Variants in PARD3B observed in about 807,000 individuals in gnomAD.
PARD3B encodes partitioning defective 3 homolog B.
In PARD3B, 103 loss-of-function variants were observed where a neutral mutation model predicts 130.2. The ratio of observed to expected loss-of-function variants is 0.79; its 90% CI spans 0.67 to 0.93. The LOEUF (loss-of-function observed/expected upper bound fraction) is 0.93. PARD3B is among the 40% of genes least tolerant of loss of function. The probability of loss-of-function intolerance (pLI) is 0.00; values close to 1 mark genes in which losing one functional copy is unlikely to be tolerated. For missense variants in PARD3B, 1,609 were observed against 1,499.2 expected (o/e 1.07, Z -1.21); for synonymous variants, 583 against 553.2 (o/e 1.05, Z -0.76).
chr2:205,390,315 T>C (rs1232044067), intron 18 of PARD3B, among the ~76,000 whole-genome samples: 1 of 151,172 alleles, frequency 6.6e-6, no homozygotes, highest in Non-Finnish European at 1.5e-5. Context: ...AAAAAAAAGC[T>C]CTAGTTATAC....
At chr2:204,879,796 A>T (rs79747330) in intron 2 of PARD3B, among the ~76,000 whole-genome samples, 2,644 of 152,290 alleles carry the variant, frequency 0.017, 55 homozygotes, top group East Asian at 0.11. Flanking sequence ...GGCTAGCCAA[A>T]TTGTGTACTT....
intron 4 of PARD3B, among the ~76,000 whole-genome samples, chr2:205,099,695 CTT>C (rs1327963429): frequency 6.6e-6 from 1 of 152,116 alleles, no homozygotes; most frequent in Non-Finnish European, 1.5e-5. Context: ...TTGAAATTGG[CTT>C]TATGTCCTTA....
In PARD3B at chr2:204,799,285, A is replaced by G. The variant is rs1258093144; in HGVS notation, c.222+113003A>G. Among the ~76,000 whole-genome samples, 1 of 152,170 alleles carries G rather than the reference A, an allele frequency of 6.6e-6. No homozygotes were observed. Among genetic ancestry groups the G allele is most frequent in the African/African-American group, 2.4e-5 (1 of 41,454 alleles). On this transcript the variant is annotated intron_variant, in intron 2 of 22. Coordinates refer to ENST00000406610, the MANE Select transcript of PARD3B (RefSeq NM_001302769.2). The surrounding 1 kb of genome is among the most constrained non-coding windows in gnomAD (Gnocchi z 4.1). ...GTGGCTGCAGGGAAACTCCCTCTGCATGAAGAAAGGACAGGGAAGAGTGGG... is the reference window on the plus strand; with the variant it reads ...GTGGCTGCAGGGAAACTCCCTCTGCGTGAAGAAAGGACAGGGAAGAGTGGG...
At chr2:205,383,533 T>C (rs770281942) in intron 18 of PARD3B, among the ~76,000 whole-genome samples, 1 of 152,130 alleles carries the variant, frequency 6.6e-6, no homozygotes, top group Non-Finnish European at 1.5e-5. Context: ...ATGTTAGTTA[T>C]TTGTAATAAC....
intron 15 of PARD3B, among the ~76,000 whole-genome samples, chr2:205,216,803 A>G (rs1256320329): frequency 2.0e-5 from 3 of 152,132 alleles, no homozygotes; most frequent in Non-Finnish European, 4.4e-5. Flanking sequence ...ATGCTCAGGG[A>G]TCCGTACCAA....
intron 15 of PARD3B, among the ~76,000 whole-genome samples, chr2:205,224,775 A>G (rs2038452520): frequency 6.6e-6 from 1 of 152,048 alleles, no homozygotes; most frequent in Non-Finnish European, 1.5e-5. Context: ...ATGGCTGAAT[A>G]GTACCTGATT....
chr2:204,592,745 A>G (rs890970871), intron 1 of PARD3B, among the ~76,000 whole-genome samples: 5 of 152,152 alleles, frequency 3.3e-5, no homozygotes, highest in Non-Finnish European at 7.3e-5. Context: ...ATTCTTCCCC[A>G]AAGAAACCCC....
intron 2 of PARD3B, among the ~76,000 whole-genome samples, chr2:204,867,057 G>T (rs1427417048): frequency 6.6e-6 from 1 of 151,682 alleles, no homozygotes; most frequent in Non-Finnish European, 1.5e-5. Flanking sequence ...CAATGATAGT[G>T]AATGAGACTC....
At chr2:205,326,397 AT>A (rs2042941592) in intron 18 of PARD3B, among the ~76,000 whole-genome samples, 1 of 152,190 alleles carries the variant, frequency 6.6e-6, no homozygotes, top group Admixed American at 6.5e-5. Flanking sequence ...AACTTTTGGC[AT>A]CCATTGAAAG....
intron 20 of PARD3B, among the ~76,000 whole-genome samples, chr2:205,466,837 T>C (rs899258103): frequency 6.6e-6 from 1 of 152,144 alleles, no homozygotes; most frequent in African/African-American, 2.4e-5. Context: ...CTCAGCCTCC[T>C]GAGTAGCTGG....
At chr2:205,434,979 C>T (rs763427971) in intron 19 of PARD3B, among the ~76,000 whole-genome samples, 1 of 151,904 alleles carries the variant, frequency 6.6e-6, no homozygotes, top group Non-Finnish European at 1.5e-5. Flanking sequence ...TTGCATGATG[C>T]GTTCACTAAA....
At chr2:204,751,753 G>C (rs550808660) in intron 2 of PARD3B, among the ~76,000 whole-genome samples, 95 of 152,222 alleles carry the variant, frequency 6.2e-4, no homozygotes, top group African/African-American at 2.1e-3. Context: ...AAACTGTCAT[G>C]GATGTAGTTG....
intron 2 of PARD3B, among the ~76,000 whole-genome samples, chr2:204,898,266 G>A (rs2046717488): frequency 6.6e-6 from 1 of 151,710 alleles, no homozygotes; most frequent in Non-Finnish European, 1.5e-5. Flanking sequence ...AAGGTAAATG[G>A]AGTATCCATC....
chr2:204,702,060 C>T (rs569378007), intron 2 of PARD3B, among the ~76,000 whole-genome samples: 4 of 152,218 alleles, frequency 2.6e-5, no homozygotes, highest in Admixed American at 2.0e-4. Flanking sequence ...CATGTTGCTG[C>T]GAAGGACATG....
At chr2:205,409,158 T>G (rs1342693815) in intron 19 of PARD3B, among the ~76,000 whole-genome samples, 1 of 152,150 alleles carries the variant, frequency 6.6e-6, no homozygotes, top group Admixed American at 6.5e-5. Flanking sequence ...CAGATTTCTG[T>G]TTTTCATAGT....
chr2:204,590,912 A>G (rs2033045884), intron 1 of PARD3B, among the ~76,000 whole-genome samples: 1 of 152,178 alleles, frequency 6.6e-6, no homozygotes, highest in Non-Finnish European at 1.5e-5. Flanking sequence ...CAACATAGAT[A>G]GGGTTTTGTT....
intron 2 of PARD3B, among the ~76,000 whole-genome samples, chr2:204,774,158 A>G (rs561341693): frequency 6.0e-5 from 9 of 151,006 alleles, no homozygotes; most frequent in Non-Finnish European, 8.8e-5. Flanking sequence ...GCCTTCCCTC[A>G]ATGACCCTGT....
rs148249441 is a variant in PARD3B at position 204,795,021 on chromosome 2, G to A, written c.222+108739G>A. 7.4e-4 allele frequency among the ~76,000 whole-genome samples: 113 copies of A among 152,266 alleles called. No homozygotes were observed. The East Asian group carries it at 0.013, about 18-fold the overall frequency. On this transcript the variant is annotated intron_variant, in intron 2 of 22. Transcript: ENST00000406610. ...GGTGTCATTGTCCCTCAGAACCTTA[G>A]AACTCAGTATAGATAGAGAAAGTAG...
intron 11 of PARD3B, among the ~76,000 whole-genome samples, chr2:205,162,509 T>A (rs897258656): frequency 7.9e-5 from 12 of 152,270 alleles, no homozygotes; most frequent in Non-Finnish European, 1.5e-4. Flanking sequence ...TTTCATTTAG[T>A]TACTGTCTTT....
Sources: allele counts gnomAD v4.1 joint callset (sites outside exome capture counted in the v4.1 genomes callset), GRCh38; gene constraint gnomAD v4.1.1; non-coding constraint Gnocchi (gnomAD v3.1); transcripts MANE v1.5; gene names NCBI Gene and HGNC (gene_info 2026-07-23, HGNC 2026-07-21).